DACH1: variants seen among roughly 807,000 people sequenced by gnomAD.
DACH1 encodes the protein dachshund homolog 1.
A neutral mutation model predicts 54.2 loss-of-function variants in DACH1; 12 were observed. The observed-to-expected ratio is 0.22, with a 90% CI of 0.14 to 0.36. The LOEUF (loss-of-function observed/expected upper bound fraction) is 0.36. DACH1 is among the 10% of genes least tolerant of loss of function. The pLI, the probability that DACH1 is intolerant of heterozygous loss-of-function variation, is 1.00. For missense variants in DACH1, 805 were observed against 929.8 expected, an observed-to-expected ratio of 0.87 and a Z score of 1.75; for synonymous variants, 386 against 366.2, an observed-to-expected ratio of 1.05 and a Z score of -0.62.
intron 1 of DACH1, among the ~76,000 whole-genome samples, chr13:71,858,069 A>G (rs1304880121): frequency 6.6e-6 from 1 of 151,708 alleles, no homozygotes; most frequent in Admixed American, 6.6e-5. Context: ...AACATATTCT[A>G]GAGATTTATT....
intron 1 of DACH1, among the ~76,000 whole-genome samples, chr13:71,703,099 G>A (rs933204515): frequency 1.3e-5 from 2 of 152,254 alleles, no homozygotes; most frequent in African/African-American, 4.8e-5. Context: ...TTAATTGTGT[G>A]TCATATAGTA....
intron 7 of DACH1, among the ~76,000 whole-genome samples, chr13:71,479,836 A>T (rs1273690581): frequency 2.0e-5 from 3 of 152,028 alleles, no homozygotes; most frequent in Non-Finnish European, 4.4e-5. Flanking sequence ...GCCCCCACGG[A>T]CTTTGCTCTT....
At chr13:71,699,977 A>G (rs1882031814) in intron 1 of DACH1, among the ~76,000 whole-genome samples, 1 of 152,348 alleles carries the variant, frequency 6.6e-6, no homozygotes, top group South Asian at 2.1e-4. Context: ...TGCTTAAAAC[A>G]GTTAATTACA....
intron 4 of DACH1, among the ~76,000 whole-genome samples, chr13:71,562,087 C>T (rs943609780): frequency 6.6e-6 from 1 of 152,062 alleles, no homozygotes; most frequent in African/African-American, 2.4e-5. Flanking sequence ...GTAATGATAA[C>T]TTGTTGAACT....
intron 1 of DACH1, among the ~76,000 whole-genome samples, chr13:71,806,367 T>C (rs909791163): frequency 2.0e-5 from 3 of 152,226 alleles, no homozygotes; most frequent in Non-Finnish European, 2.9e-5. Flanking sequence ...CCTTTTGATA[T>C]GTGGCATTAA....
Position 71,557,054 on chromosome 13 carries a change from G to A in DACH1, c.1540C>T (p.His514Tyr), listed in dbSNP as rs1236458265. 1.9e-6 allele frequency: 3 copies of A among 1,607,374 alleles called. No homozygotes were observed. The highest frequency in any genetic ancestry group is 2.5e-6 in the Non-Finnish European group (3 of 1,177,166). ...TCAATATGCATCCTTTTTGACTCAT[G>A]TCCCATGTCATGACCGGCCAAATCT... ...EGDLAGHDMG[H>Y]ESKRMHIEKD... Residue 514 changes from histidine to tyrosine, a missense_variant, in exon 6 of 11, where the codon CAT (histidine) becomes TAT (tyrosine). By Grantham distance (83) the His-to-Tyr change is moderately conservative. This residue lies in a region of DACH1 where 472 missense variants were observed against 545.3 expected (regional missense o/e 0.87). Transcript: ENST00000613252.
intron 1 of DACH1, among the ~76,000 whole-genome samples, chr13:71,685,780 A>G (rs1230139299): frequency 6.6e-6 from 1 of 152,196 alleles, no homozygotes; most frequent in East Asian, 1.9e-4. Flanking sequence ...CACAGATTTT[A>G]TTGCCTGGAT....
chr13:71,508,301 C>T (rs1880491731), intron 6 of DACH1, among the ~76,000 whole-genome samples: 1 of 152,132 alleles, frequency 6.6e-6, no homozygotes, highest in African/African-American at 2.4e-5. Context: ...TATTTTCGTC[C>T]TGTTTCTTCA....
At chr13:71,601,829 T>C (rs1174885884) in intron 3 of DACH1, among the ~76,000 whole-genome samples, 4 of 151,988 alleles carry the variant, frequency 2.6e-5, no homozygotes, top group African/African-American at 7.2e-5. Flanking sequence ...CAATAACCCA[T>C]GTTATGGGTT....
chr13:71,552,788 T>G (rs1359013305), intron 6 of DACH1, among the ~76,000 whole-genome samples: 2 of 64,096 alleles, frequency 3.1e-5, no homozygotes, highest in African/African-American at 6.1e-5. Flanking sequence ...TATATATGGA[T>G]GTGAATATAT....
At chr13:71,832,968 C>G (rs1215919831) in intron 1 of DACH1, among the ~76,000 whole-genome samples, 1 of 151,754 alleles carries the variant, frequency 6.6e-6, no homozygotes, top group African/African-American at 2.4e-5. Flanking sequence ...AATTCCACTC[C>G]CTACTTTTTT....
intron 6 of DACH1, among the ~76,000 whole-genome samples, chr13:71,535,003 T>C (rs1882664777): frequency 6.6e-6 from 1 of 151,874 alleles, no homozygotes; most frequent in Non-Finnish European, 1.5e-5. Flanking sequence ...TGGAAAAAGA[T>C]CTAGTGACTA....
chr13:71,579,602 G>A (rs1168272790), intron 3 of DACH1, among the ~76,000 whole-genome samples: 1 of 151,636 alleles, frequency 6.6e-6, no homozygotes, highest in Non-Finnish European at 1.5e-5. Flanking sequence ...AATAGACAAT[G>A]GTTTCAATTT....
At chr13:71,811,467 A>G (rs563731993) in intron 1 of DACH1, among the ~76,000 whole-genome samples, 3 of 152,180 alleles carry the variant, frequency 2.0e-5, no homozygotes, top group Non-Finnish European at 4.4e-5. Context: ...TTTATGAACT[A>G]ATAAAGAATA....
chr13:71,583,314 T>C (rs1257787876), intron 3 of DACH1, among the ~76,000 whole-genome samples: 5 of 152,070 alleles, frequency 3.3e-5, no homozygotes, highest in Non-Finnish European at 5.9e-5. Context: ...TTGTTTCTTT[T>C]TTGCAAAAAT....
At chr13:71,811,360 A>T (rs2138151281) in intron 1 of DACH1, among the ~76,000 whole-genome samples, 1 of 152,294 alleles carries the variant, frequency 6.6e-6, no homozygotes, top group East Asian at 1.9e-4. Context: ...TTACAGATTA[A>T]ATATTTTTAA....
At chr13:71,717,354 C>A (rs1883022580) in intron 1 of DACH1, among the ~76,000 whole-genome samples, 1 of 152,006 alleles carries the variant, frequency 6.6e-6, no homozygotes, top group Non-Finnish European at 1.5e-5. Context: ...AACAAAATAG[C>A]TTTTATCACA....
intron 3 of DACH1, among the ~76,000 whole-genome samples, chr13:71,573,791 C>T (rs1885369375): frequency 6.6e-6 from 1 of 151,866 alleles, no homozygotes; most frequent in South Asian, 2.1e-4. Flanking sequence ...ATATATATTC[C>T]GGCAACATTT....
At chr13:71,519,859 G>T (rs1881439433) in intron 6 of DACH1, among the ~76,000 whole-genome samples, 2 of 63,774 alleles carry the variant, frequency 3.1e-5, no homozygotes, top group South Asian at 6.3e-4. Flanking sequence ...TTATTGTTTA[G>T]ATGTTTGTGT....
Sources: allele counts gnomAD v4.1 joint callset (sites outside exome capture counted in the v4.1 genomes callset), GRCh38; gene constraint gnomAD v4.1.1; regional missense constraint gnomAD v4.1.1; transcripts MANE v1.5; gene names NCBI Gene and HGNC (gene_info 2026-07-23, HGNC 2026-07-21).